NKAIN2: variants seen among roughly 807,000 people sequenced by gnomAD.
The protein encoded by NKAIN2 is sodium/potassium-transporting ATPase subunit beta-1-interacting protein 2.
Under a neutral mutation model 32.6 loss-of-function variants are expected in NKAIN2, and 14 were observed. The ratio of observed to expected loss-of-function variants is 0.43; its 90% confidence interval spans 0.28 to 0.67. The LOEUF (loss-of-function observed/expected upper bound fraction) is 0.67, where lower values mean the gene tolerates loss of function less well. Among genes scored for constraint, NKAIN2 ranks in the 30% least tolerant of loss-of-function variants. NKAIN2 has a pLI of 0.17. For synonymous variants in NKAIN2, 80 were observed against 87.2 expected, an observed-to-expected ratio of 0.92 and a Z score of 0.46; for missense variants, 198 against 258.3, an observed-to-expected ratio of 0.77 and a Z score of 1.60.
intron 1 of NKAIN2, among the ~76,000 whole-genome samples, chr6:123,849,949 GTTTTTT>G (rs777466801): frequency 5.2e-5 from 2 of 38,690 alleles, no homozygotes; most frequent in Admixed American, 8.0e-4. Context: ...ACTCAGGCTG[GTTTTTT>G]TTTTTTGTTT....
At chr6:124,818,784 A>G (rs1350765981) in intron 6 of NKAIN2, among the ~76,000 whole-genome samples, 1 of 152,082 alleles carries the variant, frequency 6.6e-6, no homozygotes, top group Non-Finnish European at 1.5e-5. Flanking sequence ...AAATGATATA[A>G]TGTAGGCAGT....
intron 2 of NKAIN2, among the ~76,000 whole-genome samples, chr6:124,290,317 A>G (rs1004108385): frequency 6.6e-6 from 1 of 152,298 alleles, no homozygotes; most frequent in East Asian, 1.9e-4. Flanking sequence ...AATTTTTGAA[A>G]ATGAATTTTG....
intron 5 of NKAIN2, among the ~76,000 whole-genome samples, chr6:124,805,601 G>A (rs1246173303): frequency 1.3e-5 from 2 of 152,180 alleles, no homozygotes; most frequent in African/African-American, 4.8e-5. Flanking sequence ...TCCTCCAAAG[G>A]ATCGCAGTTC....
At chr6:124,167,660 A>G (rs1788628113) in intron 1 of NKAIN2, among the ~76,000 whole-genome samples, 1 of 152,122 alleles carries the variant, frequency 6.6e-6, no homozygotes, top group Non-Finnish European at 1.5e-5. Context: ...TGGTTTTGTC[A>G]TAGATAGCTC....
chr6:123,920,467 C>G (rs1029300883), intron 1 of NKAIN2, among the ~76,000 whole-genome samples: 8 of 151,972 alleles, frequency 5.3e-5, no homozygotes, highest in Non-Finnish European at 8.8e-5. Flanking sequence ...AGCACAAAAA[C>G]CTAGGATGCG....
At chr6:124,762,580 T>C (rs1159912806) in intron 4 of NKAIN2, among the ~76,000 whole-genome samples, 1 of 152,326 alleles carries the variant, frequency 6.6e-6, no homozygotes, top group South Asian at 2.1e-4. Context: ...CAATACACGA[T>C]GCTTTTTGCT....
intron 3 of NKAIN2, among the ~76,000 whole-genome samples, chr6:124,581,445 C>CA (rs57280967): frequency 0.014 from 1,172 of 81,358 alleles, 52 homozygotes; most frequent in African/African-American, 0.047. Flanking sequence ...GACTCCGTCT[C>CA]AAAAAAAAAA....
intron 1 of NKAIN2, among the ~76,000 whole-genome samples, chr6:124,165,303 A>T (rs1788476661): frequency 6.6e-6 from 1 of 152,058 alleles, no homozygotes; most frequent in Non-Finnish European, 1.5e-5. Flanking sequence ...TGGAATCACT[A>T]ATTATGGGCT....
At chr6:123,820,497 C>T (rs1773877713) in intron 1 of NKAIN2, among the ~76,000 whole-genome samples, 2 of 152,144 alleles carry the variant, frequency 1.3e-5, no homozygotes, top group South Asian at 4.1e-4. Flanking sequence ...ATGCACTTCC[C>T]ATTAATGTGG....
chr6:124,083,852 A>G (rs1582610240), intron 1 of NKAIN2, among the ~76,000 whole-genome samples: 2 of 152,120 alleles, frequency 1.3e-5, no homozygotes, highest in East Asian at 3.9e-4. Context: ...ATGGTTACAG[A>G]GAGCATGATT....
chr6:123,903,519 A>G (rs1323484272), intron 1 of NKAIN2, among the ~76,000 whole-genome samples: 1 of 152,182 alleles, frequency 6.6e-6, no homozygotes, highest in Admixed American at 6.5e-5. Context: ...GGGTGTTACT[A>G]TCTACCGGAT....
intron 1 of NKAIN2, among the ~76,000 whole-genome samples, chr6:124,125,428 C>T (rs1319074223): frequency 6.6e-6 from 1 of 152,096 alleles, no homozygotes; most frequent in Admixed American, 6.6e-5. Context: ...TTTTTATCTG[C>T]TCCATATTTT....
chr6:124,012,160 C>A (rs1478682769), intron 1 of NKAIN2, among the ~76,000 whole-genome samples: 2 of 151,648 alleles, frequency 1.3e-5, no homozygotes, highest in Non-Finnish European at 2.9e-5. Context: ...ATAAAAAATA[C>A]CCATCACCCC....
chr6:124,520,190 T>C (rs643002), intron 3 of NKAIN2, among the ~76,000 whole-genome samples: 130,855 of 151,996 alleles, frequency 0.86, 59,345 homozygotes, highest in East Asian at 1. Flanking sequence ...ATTTAGCTTC[T>C]AGGAAGAAAT....
At chr6:123,945,275 T>C (rs1777011434) in intron 1 of NKAIN2, among the ~76,000 whole-genome samples, 1 of 152,132 alleles carries the variant, frequency 6.6e-6, no homozygotes, top group African/African-American at 2.4e-5. Context: ...ACTTCCAATG[T>C]TGAGGCTCTG....
intron 3 of NKAIN2, among the ~76,000 whole-genome samples, chr6:124,502,311 G>T (rs1355861056): frequency 2.0e-5 from 3 of 152,078 alleles, no homozygotes. Flanking sequence ...TATCTCAAAT[G>T]TGTATGTGCA....
At chr6:124,412,565 G>C (rs1218338752) in intron 3 of NKAIN2, among the ~76,000 whole-genome samples, 1 of 152,154 alleles carries the variant, frequency 6.6e-6, no homozygotes, top group Non-Finnish European at 1.5e-5. Flanking sequence ...CCGGCCGTGC[G>C]AGGTGTCAGT....
At chr6:124,487,474 A>G (rs543576525) in intron 3 of NKAIN2, among the ~76,000 whole-genome samples, 7 of 152,294 alleles carry the variant, frequency 4.6e-5, no homozygotes, top group Admixed American at 4.6e-4. Context: ...CCCAAATGAC[A>G]TGCCATTTTA....
chr6:124,569,393 T>C (rs1222648358), intron 3 of NKAIN2, among the ~76,000 whole-genome samples: 1 of 152,180 alleles, frequency 6.6e-6, no homozygotes, highest in Non-Finnish European at 1.5e-5. Flanking sequence ...CAGCTTATAA[T>C]GTGTTCTACT....
Sources: gnomAD v4.1 joint callset for allele counts (sites outside exome capture counted in the v4.1 genomes callset) on GRCh38, gnomAD v4.1.1 for gene constraint, MANE v1.5 for transcripts, NCBI Gene and HGNC (gene_info 2026-07-23, HGNC 2026-07-21) for gene names.